Variants in LRP2 observed in about 807,000 individuals in gnomAD.
LRP2 encodes the protein LDL receptor related protein 2.
LRP2 carries 172 observed loss-of-function variants against 531.0 expected under a neutral mutation model. The ratio of observed to expected loss-of-function variants is 0.32; its 90% CI spans 0.29 to 0.37. The LOEUF is 0.37. Ranked by LOEUF, LRP2 falls within the 10% of genes least tolerant of loss-of-function variation. The pLI, the probability that LRP2 is intolerant of heterozygous loss-of-function variation, is 1.00. For synonymous variants in LRP2, 1,992 were observed against 2,027.6 expected (o/e 0.98, Z 0.47); for missense variants, 5,167 against 5,868.3 (o/e 0.88, Z 3.90).
chr2:169,217,844 G>T (rs1265305066), intron 34 of LRP2, among the ~76,000 whole-genome samples: 1 of 152,066 alleles, frequency 6.6e-6, no homozygotes, highest in East Asian at 1.9e-4. Context: ...TGCTGCTAAA[G>T]AATACACTCA....
chr2:169,340,027 T>C (rs1330917601), intron 1 of LRP2, among the ~76,000 whole-genome samples: 1 of 152,152 alleles, frequency 6.6e-6, no homozygotes, highest in African/African-American at 2.4e-5. Context: ...AAAGTCAAAT[T>C]CCAGCATTCT....
At chr2:169,177,120 C>A (rs942968448) in intron 53 of LRP2, among the ~76,000 whole-genome samples, 5 of 152,134 alleles carry the variant, frequency 3.3e-5, no homozygotes, top group African/African-American at 4.8e-5. Flanking sequence ...TACTAAATTT[C>A]TTTATTTTGC....
At chr2:169,309,315 TG>T (rs1484878680) in intron 3 of LRP2, among the ~76,000 whole-genome samples, 1 of 152,224 alleles carries the variant, frequency 6.6e-6, no homozygotes. Flanking sequence ...ATGTCCTGAA[TG>T]GTATTGCCTA....
At chr2:169,258,171 AC>A (rs1690392716) in intron 17 of LRP2, among the ~76,000 whole-genome samples, 1 of 152,140 alleles carries the variant, frequency 6.6e-6, no homozygotes, top group Non-Finnish European at 1.5e-5. Flanking sequence ...CAGCAAACAG[AC>A]TTTTTTAGGC....
At chr2:169,142,194 T>C (rs1041616778) in intron 71 of LRP2, among the ~76,000 whole-genome samples, 4 of 152,192 alleles carry the variant, frequency 2.6e-5, no homozygotes, top group Non-Finnish European at 4.4e-5. Flanking sequence ...ACCCACAGCG[T>C]TTGGGACTAG....
In LRP2 at chr2:169,235,990, A is replaced by G; in HGVS notation, c.4770T>C (p.Thr1590=). 1 of 1,614,250 alleles carries G rather than the reference A, an allele frequency of 6.2e-7. No homozygotes were observed. Among genetic ancestry groups the G allele is most frequent in the South Asian group, 1.1e-5 (1 of 91,088 alleles). Reference sequence around the variant, plus strand: ...AGAAGATCTTGTCCTGGACAATGACAGTGCGCATGCTGCCGTCCATGCTGG... The same window carrying G: ...AGAAGATCTTGTCCTGGACAATGACGGTGCGCATGCTGCCGTCCATGCTGG... The part of the protein sequence containing the change: ...ERASMDGSMR[T]VIVQDKIFWP... Residue 1590 remains threonine, a synonymous_variant, in exon 29 of 79, where the codon ACT becomes ACC. Coordinates refer to ENST00000649046, the MANE Select transcript of LRP2 (RefSeq NM_004525.3).
intron 2 of LRP2, among the ~76,000 whole-genome samples, chr2:169,319,739 G>A (rs929404666): frequency 6.6e-6 from 1 of 152,166 alleles, no homozygotes; most frequent in African/African-American, 2.4e-5. Context: ...AACATCATCA[G>A]GAAGTTTATA....
At chr2:169,271,827 A>G (rs830992) in intron 15 of LRP2, 220,948 of 255,122 alleles carry the variant, frequency 0.87, 96,976 homozygotes, top group East Asian at 0.97. Flanking sequence ...ATATAAAGAT[A>G]TAAAGGAGTG....
chr2:169,192,076 G>T (rs769769260), intron 47 of LRP2, 43 bp from the exon 48 acceptor site: 8 of 1,492,176 alleles, frequency 5.4e-6, no homozygotes, highest in Non-Finnish European at 6.5e-6. Flanking sequence ...TGAGAGCTCA[G>T]TGCAGCAGTT....
chr2:169,166,352 G>T (rs937940973), intron 61 of LRP2, among the ~76,000 whole-genome samples: 2 of 152,150 alleles, frequency 1.3e-5, no homozygotes, highest in East Asian at 3.9e-4. Flanking sequence ...ACATCTACTG[G>T]GGTGATCTGA....
chr2:169,229,552 G>A (rs896610335), intron 31 of LRP2, among the ~76,000 whole-genome samples: 2 of 152,140 alleles, frequency 1.3e-5, no homozygotes, highest in African/African-American at 2.4e-5. Context: ...GGGTGCTGAG[G>A]TGATGTTTGG....
At chr2:169,172,628 G>C (rs1687046667) in intron 57 of LRP2, among the ~76,000 whole-genome samples, 1 of 152,124 alleles carries the variant, frequency 6.6e-6, no homozygotes, top group African/African-American at 2.4e-5. Context: ...AGAGACTACA[G>C]ATGTCCAATA....
At chr2:169,196,805 C>A in intron 46 of LRP2, 106 bp downstream of exon 46, 1 of 1,499,752 alleles carries the variant, frequency 6.7e-7, no homozygotes, top group South Asian at 1.1e-5. Flanking sequence ...GACAGGAAGT[C>A]CAAGCATTCA....
chr2:169,172,696 T>G (rs1293588048), intron 57 of LRP2, among the ~76,000 whole-genome samples: 2 of 152,148 alleles, frequency 1.3e-5, no homozygotes, highest in African/African-American at 4.8e-5. Flanking sequence ...ATAAGAAATA[T>G]CCTAATTTGG....
intron 52 of LRP2, among the ~76,000 whole-genome samples, chr2:169,180,525 A>G (rs1376189253): frequency 6.6e-6 from 1 of 152,254 alleles, no homozygotes; most frequent in African/African-American, 2.4e-5. Flanking sequence ...TGCCATGAGC[A>G]CAGGAAGAAA....
intron 52 of LRP2, 109 bp from the exon 53 acceptor site, chr2:169,178,135 A>G (rs1313047156): frequency 9.6e-6 from 8 of 830,036 alleles, no homozygotes; most frequent in Non-Finnish European, 1.4e-5. Context: ...CCTAGAGATA[A>G]TATAAGTTCA....
intron 44 of LRP2, among the ~76,000 whole-genome samples, chr2:169,200,056 C>T (rs188897391): frequency 2.0e-5 from 3 of 152,240 alleles, no homozygotes; most frequent in South Asian, 4.1e-4. Context: ...CGAGACCATC[C>T]TGGCTAACAT....
chr2:169,228,365 T>C (rs1263933858), intron 31 of LRP2, among the ~76,000 whole-genome samples: 1 of 151,938 alleles, frequency 6.6e-6, no homozygotes, highest in Non-Finnish European at 1.5e-5. Flanking sequence ...CAAGAAATTA[T>C]ATTGAGATGA....
At chr2:169,290,777 T>C (rs1331057962) in intron 8 of LRP2, 68 bp downstream of exon 8, 5 of 1,526,624 alleles carry the variant, frequency 3.3e-6, no homozygotes, top group Non-Finnish European at 3.6e-6. Flanking sequence ...ACACTGTATT[T>C]GAACGTCTGT....
Sources: gnomAD v4.1 joint callset for allele counts (sites outside exome capture counted in the v4.1 genomes callset) on GRCh38, gnomAD v4.1.1 for gene constraint, MANE v1.5 for transcripts, NCBI Gene and HGNC (gene_info 2026-07-23, HGNC 2026-07-21) for gene names.